Variants in NOXRED1 observed in about 807,000 individuals in gnomAD.
NOXRED1 encodes the protein NADP-dependent oxidoreductase domain-containing protein 1.
In NOXRED1, 20 loss-of-function variants were observed where a neutral mutation model predicts 30.4. The observed-to-expected ratio is 0.66, with a 90% confidence interval of 0.46 to 0.96. NOXRED1 has a LOEUF of 0.96. NOXRED1 is among the 40% of genes least tolerant of loss of function. The pLI is 0.00. For missense variants in NOXRED1, 374 were observed against 428.0 expected, an observed-to-expected ratio of 0.87 and a Z score of 1.11; for synonymous variants, 155 against 168.0, an observed-to-expected ratio of 0.92 and a Z score of 0.60.
Position 77,407,532 on chromosome 14 carries a change from C to G in NOXRED1, c.463G>C (p.Glu155Gln), listed in dbSNP as rs1212748191. The G allele has an allele frequency of 6.2e-7, 1 of 1,614,110 alleles. No individual in the cohort carries two copies. The highest frequency in any genetic ancestry group is 2.2e-5 in the East Asian group (1 of 44,886). The part of the protein sequence containing the change: ...LPSQLPNICV[E>Q]IYTSLEKASI... ...GCCTTCTCAAGGCTGGTGTAAATTT[C>G]TACGCAGATATTAGGCAGCTGAGAC... The change falls in exon 3 of 6, where the codon GAA (glutamate) becomes CAA (glutamine). Residue 155 changes from glutamate (E) to glutamine (Q), a missense_variant. Coordinates refer to ENST00000380835, the MANE Select transcript of NOXRED1 (RefSeq NM_001113475.3).
At chr14:77,405,210 C>T (rs1594871631) in intron 5 of NOXRED1, among the ~76,000 whole-genome samples, 1 of 152,184 alleles carries the variant, frequency 6.6e-6, no homozygotes, top group Admixed American at 6.5e-5. Context: ...GCCTGGCCAA[C>T]ATGGCGAAAC....
chr14:77,410,559 C>T lies in NOXRED1; in HGVS notation c.350-2914G>A, dbSNP rs141630697. ...GGGAGGCAGGGAGGTTGTAGTGAGC[C>T]GAGATCATGCCACTACACTCCAGCC... is the stretch of plus-strand genomic sequence containing the variant. On this transcript the variant is annotated intron_variant, in intron 2 of 5. Transcript: ENST00000380835. Among the ~76,000 whole-genome samples, 1,336 of 151,910 alleles carry T rather than the reference C, an allele frequency of 8.8e-3. 19 individuals carry two copies. Among genetic ancestry groups the T allele is most frequent in the South Asian group, 0.037 (179 of 4,788 alleles).
chr14:77,411,384 C>T (rs898886470), intron 2 of NOXRED1, among the ~76,000 whole-genome samples: 1 of 150,180 alleles, frequency 6.7e-6, no homozygotes, highest in African/African-American at 2.5e-5. Flanking sequence ...GCAGGAGAAT[C>T]GCTTGAACCC....
At position 77,406,799 on chromosome 14, in the gene NOXRED1, C is replaced by T. The variant is rs769119217; in HGVS notation, c.607G>A (p.Gly203Arg). The T allele has an allele frequency of 1.9e-6, 3 of 1,614,052 alleles. No homozygotes were observed. Among genetic ancestry groups the T allele is most frequent in the South Asian group, 1.1e-5 (1 of 91,080 alleles). The change falls in exon 4 of 6, where the codon GGG (glycine) becomes AGG (arginine). Residue 203 changes from glycine (G) to arginine (R), a missense_variant. Physicochemically the swap from Gly to Arg is moderately radical, Grantham distance 125 (BLOSUM62 -2). Transcript: ENST00000380835. ...GCAGCTATGACTCCCTTATTGGCCC[C>T]CCAGACGCTGACAGAATCTTCATCA... Reference protein sequence around the residue: ...QYDEDSVSVWGANKGVIAALQ... With the variant: ...QYDEDSVSVWRANKGVIAALQ...
At chr14:77,406,272 A>T (rs1358153522) in intron 4 of NOXRED1, 137 bp from the exon 5 acceptor site, 1 of 636,896 alleles carries the variant, frequency 1.6e-6, no homozygotes, top group Non-Finnish European at 2.8e-6. Context: ...AGATAAGCAA[A>T]CATTCCTTCC....
At chr14:77,408,892 A>ATTTTTTTTTTTATTTTTTTTTT (rs1894557005) in intron 2 of NOXRED1, among the ~76,000 whole-genome samples, 4 of 68,154 alleles carry the variant, frequency 5.9e-5, no homozygotes, top group Non-Finnish European at 8.0e-5. Context: ...CTGGTAGTTA[A>ATTTTTTTTTTTATTTTTTTTTT]TTTTTTTTTT....
intron 1 of NOXRED1, among the ~76,000 whole-genome samples, chr14:77,421,675 T>C (rs1188831996): frequency 6.6e-6 from 1 of 152,216 alleles, no homozygotes; most frequent in African/African-American, 2.4e-5. Context: ...TTACTGTTGG[T>C]GCTGGATGTG....
chr14:77,420,720 G>C (rs1219336680), intron 1 of NOXRED1, among the ~76,000 whole-genome samples: 3 of 151,930 alleles, frequency 2.0e-5, no homozygotes, highest in African/African-American at 4.8e-5. Context: ...TTAATTTTTG[G>C]TGGAATTTGG....
At chr14:77,401,409 G>C (rs1353529517) in intron 5 of NOXRED1, among the ~76,000 whole-genome samples, 2 of 151,268 alleles carry the variant, frequency 1.3e-5, no homozygotes, top group African/African-American at 2.4e-5. Flanking sequence ...AAAAGACTCA[G>C]AACAGGCTGG....
intron 2 of NOXRED1, among the ~76,000 whole-genome samples, chr14:77,413,444 G>A (rs552516698): frequency 2.0e-5 from 3 of 152,080 alleles, no homozygotes; most frequent in South Asian, 2.1e-4. Flanking sequence ...TCACTATGTT[G>A]GCCAGGATGG....
chr14:77,405,903 A>G lies in NOXRED1; in HGVS notation c.905+10T>C, dbSNP rs1395906141. On this transcript the variant is annotated intron_variant, in intron 5 of 5. Coordinates refer to ENST00000380835, the MANE Select transcript of NOXRED1 (RefSeq NM_001113475.3). ...AGAAATGAGAATGGCCAGCTGTCCA[A>G]TGCCCTTACCTTTCCTGAGACAAAT... 3 of 1,561,138 alleles carry G rather than the reference A, an allele frequency of 1.9e-6. No homozygotes were observed. The South Asian group carries it at 3.3e-5, about 17-fold the overall frequency.
At chr14:77,410,534 G>T (rs1245408632) in intron 2 of NOXRED1, among the ~76,000 whole-genome samples, 1 of 152,060 alleles carries the variant, frequency 6.6e-6, no homozygotes, top group Non-Finnish European at 1.5e-5. Flanking sequence ...ACTTGAGCTT[G>T]GGAGGCAGGG....
chr14:77,406,026 T>A lies in NOXRED1; in HGVS notation c.792A>T (p.Glu264Asp). Residue 264 changes from glutamate to aspartate, a missense_variant, in exon 5 of 6, where the codon GAA becomes GAT. By Grantham distance (45) the Glu-to-Asp change is conservative. Transcript: ENST00000380835. ...AHSQVLQLLS[E>D]LFLSVHFEDC... is the part of the protein sequence containing the mutation. ...CTTCAAAGTGCACGGAGAGAAAGAG[T>A]TCACTCAGAAGCTGCAGCACTTGGG... The A allele has an allele frequency of 2.5e-6, 4 of 1,613,396 alleles. No homozygotes were observed. The highest frequency in any genetic ancestry group is 3.4e-6 in the Non-Finnish European group (4 of 1,179,688).
At chr14:77,404,023 T>C (rs549999383) in intron 5 of NOXRED1, among the ~76,000 whole-genome samples, 56 of 152,288 alleles carry the variant, frequency 3.7e-4, no homozygotes, top group Non-Finnish European at 6.3e-4. Context: ...AAGGGAAAAT[T>C]ATTTCCAACC....
chr14:77,407,795 C>T (rs969589770), intron 2 of NOXRED1, 150 bp from the exon 3 acceptor site: 2 of 600,452 alleles, frequency 3.3e-6, no homozygotes, highest in Non-Finnish European at 5.9e-6. Flanking sequence ...TCCTACAGAC[C>T]TTCTAAAAGC....
chr14:77,419,041 G>A (rs1894910339), intron 1 of NOXRED1, among the ~76,000 whole-genome samples: 1 of 147,586 alleles, frequency 6.8e-6, no homozygotes, highest in Non-Finnish European at 1.5e-5. Flanking sequence ...GTTTTTTGTT[G>A]TTGTTTATCT....
intron 5 of NOXRED1, among the ~76,000 whole-genome samples, chr14:77,405,202 C>G (rs890765973): frequency 6.6e-6 from 1 of 152,210 alleles, no homozygotes; most frequent in Non-Finnish European, 1.5e-5. Context: ...GGAGACCAGC[C>G]TGGCCAACAT....
intron 5 of NOXRED1, among the ~76,000 whole-genome samples, chr14:77,395,082 T>G (rs891552497): frequency 6.6e-6 from 1 of 150,858 alleles, no homozygotes; most frequent in Non-Finnish European, 1.5e-5. Flanking sequence ...TGACACCCTT[T>G]GCAGAAAATT....
chr14:77,416,468 A>C (rs2139695691), intron 1 of NOXRED1, among the ~76,000 whole-genome samples: 1 of 152,300 alleles, frequency 6.6e-6, no homozygotes, highest in East Asian at 1.9e-4. Context: ...CCCTTAATCC[A>C]TTCAACCCTG....
Sources: gnomAD v4.1 joint callset for allele counts (sites outside exome capture counted in the v4.1 genomes callset) on GRCh38, gnomAD v4.1.1 for gene constraint, MANE v1.5 for transcripts, NCBI Gene and HGNC (gene_info 2026-07-23, HGNC 2026-07-21) for gene names.